PLA2G4E: variants seen among roughly 807,000 people sequenced by gnomAD.
PLA2G4E encodes cytosolic phospholipase A2 epsilon.
Under a neutral mutation model 109.1 loss-of-function variants are expected in PLA2G4E, and 84 were observed. The observed-to-expected ratio is 0.77, with a 90% CI of 0.65 to 0.92. The LOEUF (loss-of-function observed/expected upper bound fraction) is 0.92, where lower values mean the gene tolerates loss of function less well. PLA2G4E is among the 40% of genes least tolerant of loss of function. PLA2G4E has a pLI of 0.00. For synonymous variants in PLA2G4E, 469 were observed against 436.1 expected (o/e 1.08, Z -0.94); for missense variants, 1,057 against 1,076.6 (o/e 0.98, Z 0.25).
rs1475968651 is a variant in PLA2G4E, at chr15:41,989,534, G to T, written c.1604C>A (p.Pro535His). The change falls in exon 15 of 20, where the codon CCC becomes CAC. Residue 535 changes from proline to histidine, a missense_variant. Physicochemically the swap from Pro to His is moderately conservative, Grantham distance 77. Transcript: ENST00000399518. ...ATACTTCTGCAGGCCCACCTCGTAG[G>T]GGGAGAACTCGAACCACTCTGCACA... is the stretch of plus-strand genomic sequence containing the variant. 8 of 1,613,598 alleles carry T rather than the reference G, an allele frequency of 5.0e-6. No homozygotes were observed. Among genetic ancestry groups the T allele is most frequent in the Non-Finnish European group, 6.8e-6 (8 of 1,179,774 alleles).
chr15:42,006,726 A>C (rs1448821885), intron 3 of PLA2G4E, among the ~76,000 whole-genome samples: 1 of 152,188 alleles, frequency 6.6e-6, no homozygotes, highest in Non-Finnish European at 1.5e-5. Context: ...CTCAGGTGAC[A>C]TGGACTAATC....
At chr15:42,038,034 C>G (rs1259801476) in intron 1 of PLA2G4E, among the ~76,000 whole-genome samples, 1 of 152,226 alleles carries the variant, frequency 6.6e-6, no homozygotes, top group Non-Finnish European at 1.5e-5. Context: ...CCACAGGTTT[C>G]TGGCCAGAAA....
intron 1 of PLA2G4E, among the ~76,000 whole-genome samples, chr15:42,050,068 C>T (rs528529597): frequency 6.6e-6 from 1 of 152,354 alleles, no homozygotes; most frequent in South Asian, 2.1e-4. Flanking sequence ...GGCCACTATG[C>T]TAGACTGCAT....
intron 1 of PLA2G4E, among the ~76,000 whole-genome samples, chr15:42,018,109 G>A (rs76439980): frequency 0.034 from 5,185 of 152,320 alleles, 96 homozygotes; most frequent in East Asian, 0.087. Context: ...CCAGGAACCA[G>A]GTCTATGAGA....
intron 11 of PLA2G4E, 41 bp downstream of exon 11, chr15:41,997,083 G>A (rs2068354372): frequency 6.6e-7 from 1 of 1,523,894 alleles, no homozygotes; most frequent in Non-Finnish European, 8.8e-7. Context: ...GTGCTGGAAG[G>A]ACCAGCTGGG....
intron 10 of PLA2G4E, chr15:41,999,049 C>CAAAAT (rs55757327): frequency 0.63 from 91,625 of 146,068 alleles, 30,202 homozygotes; most frequent in Non-Finnish European, 0.74. Context: ...GACTCCATTT[C>CAAAAT]AAAATAAAAT....
At chr15:41,999,342 A>C (rs993782757) in intron 10 of PLA2G4E, among the ~76,000 whole-genome samples, 182 bp downstream of exon 10, 12 of 152,176 alleles carry the variant, frequency 7.9e-5, no homozygotes, top group African/African-American at 2.9e-4. Context: ...AACCCACATA[A>C]AAAGTGGGCA....
chr15:42,036,891 G>C (rs902344873), intron 1 of PLA2G4E, among the ~76,000 whole-genome samples: 1 of 152,200 alleles, frequency 6.6e-6, no homozygotes, highest in South Asian at 2.1e-4. Flanking sequence ...TGCAGGCTTG[G>C]AAGTGCCTGC....
At chr15:41,986,974 C>T (rs1216276251) in intron 17 of PLA2G4E, 198 bp downstream of exon 17, 4 of 612,574 alleles carry the variant, frequency 6.5e-6, no homozygotes, top group Non-Finnish European at 8.6e-6. Context: ...TAAGTACCCA[C>T]ACCACTCCCT....
rs1030859302 is a variant in PLA2G4E at position 42,020,920 on chromosome 15, G to A, written c.184-7163C>T. ...CTCAGCCTCTGGCCCCAGCCACTGA[G>A]CACCCCTCCCTCACCTTCAAGGCAC... On this transcript the variant is annotated intron_variant, in intron 1 of 19. Transcript: ENST00000399518. Among the ~76,000 whole-genome samples, 1 of 151,986 alleles carries A rather than the reference G, an allele frequency of 6.6e-6. No individual in the cohort carries two copies. The highest frequency in any genetic ancestry group is 2.4e-5 in the African/African-American group (1 of 41,376).
intron 10 of PLA2G4E, chr15:41,997,895 C>T (rs1389469609): frequency 6.6e-6 from 1 of 151,760 alleles, no homozygotes; most frequent in African/African-American, 2.4e-5. Context: ...AATGCTTGTC[C>T]TCTTTTTTTT....
At chr15:41,992,984 T>C (rs746481851) in intron 12 of PLA2G4E, 25 bp from the exon 13 acceptor site, 7 of 1,586,384 alleles carry the variant, frequency 4.4e-6, no homozygotes, top group East Asian at 2.3e-5. Context: ...GCACAGCTGA[T>C]AGGGCTGACC....
Position 41,995,497 on chromosome 15 carries a change from C to T in PLA2G4E, c.1111-1G>A. 1 of 1,613,554 alleles carries T rather than the reference C, an allele frequency of 6.2e-7. No individual in the cohort carries two copies. Among genetic ancestry groups the T allele is most frequent in the South Asian group, 1.1e-5 (1 of 91,078 alleles). On this transcript the variant is annotated splice_acceptor_variant, in intron 11 of 19. Coordinates refer to ENST00000399518, the Ensembl canonical transcript of PLA2G4E. LOFTEE classifies it high-confidence loss of function. ...TGGCCATGATGGCTATCAGCGGCAC[C>T]TGGGGTTACACAGAGGCAGGCGGTT...
At chr15:41,988,251 G>A (rs1277133829) in intron 15 of PLA2G4E, 95 bp from the exon 16 acceptor site, 5 of 740,370 alleles carry the variant, frequency 6.8e-6, no homozygotes, top group Admixed American at 6.2e-5. Flanking sequence ...CCCACCCCAC[G>A]CAAGCCAGGC....
exon 12 of PLA2G4E, chr15:41,995,397 A>T: frequency 1.2e-6 from 2 of 1,613,688 alleles, no homozygotes; most frequent in Non-Finnish European, 8.5e-7. Flanking sequence ...TAGCTGGCAC[A>T]GTCCAGGAGG....
chr15:41,987,363 A>C lies in PLA2G4E; in HGVS notation c.1844T>G (p.Ile615Ser), dbSNP rs1255236912. 1.8e-5 allele frequency: 29 copies of C among 1,613,394 alleles called. No homozygotes were observed. Among genetic ancestry groups the C allele is most frequent in the Non-Finnish European group, 2.1e-5 (25 of 1,179,632 alleles). ...ATCACATTTGGGGATTTCAGGCAGGATCGGCTCGTCTTCTGCAGGGGAGGG... is the reference window on the plus strand; with the variant it reads ...ATCACATTTGGGGATTTCAGGCAGGCTCGGCTCGTCTTCTGCAGGGGAGGG... The change falls in exon 17 of 20, where the codon ATC becomes AGC. Residue 615 changes from isoleucine to serine, a missense_variant. Transcript: ENST00000399518.
At position 41,986,006 on chromosome 15, in the gene PLA2G4E, C is replaced by T. The variant is rs903494394; in HGVS notation, c.2036-1G>A. On this transcript the variant is annotated splice_acceptor_variant, in intron 17 of 19. Transcript: ENST00000399518. LOFTEE classifies it high-confidence loss of function. ...TTTGGGAAACCATCTAGCACTGTGTCTGAAAGCCAAGCCTTCCCGTTACCA... is the reference window on the plus strand; with the variant it reads ...TTTGGGAAACCATCTAGCACTGTGTTTGAAAGCCAAGCCTTCCCGTTACCA... 2 of 1,588,724 alleles carry T rather than the reference C, an allele frequency of 1.3e-6. No homozygotes were observed. The highest frequency in any genetic ancestry group is 1.7e-6 in the Non-Finnish European group (2 of 1,166,760).
At chr15:42,020,553 T>C (rs1051724171) in intron 1 of PLA2G4E, among the ~76,000 whole-genome samples, 12 of 152,260 alleles carry the variant, frequency 7.9e-5, no homozygotes, top group Admixed American at 7.2e-4. Flanking sequence ...TTGCACAGCA[T>C]AGAAGCTTAG....
rs907352882 is a variant in PLA2G4E at position 42,032,870 on chromosome 15, G to A, written c.183+17651C>T. Among the ~76,000 whole-genome samples, 12 of 152,186 alleles carry A rather than the reference G, an allele frequency of 7.9e-5. No individual in the cohort carries two copies. The East Asian group carries it at 9.6e-4, about 12-fold the overall frequency. Reference sequence around the variant, plus strand: ...TAGGCTGATATTTAGTGAGGGGACCGAGATTTGGGTTACGTGAAAACAGAA... The same window carrying A: ...TAGGCTGATATTTAGTGAGGGGACCAAGATTTGGGTTACGTGAAAACAGAA... On this transcript the variant is annotated intron_variant, in intron 1 of 19. Coordinates refer to ENST00000399518, the Ensembl canonical transcript of PLA2G4E.
Sources: gnomAD v4.1 joint callset for allele counts (sites outside exome capture counted in the v4.1 genomes callset) on GRCh38, gnomAD v4.1.1 for gene constraint, MANE v1.5 for transcripts, NCBI Gene and HGNC (gene_info 2026-07-23, HGNC 2026-07-21) for gene names.